DCAF6: variants seen among roughly 807,000 people sequenced by gnomAD.
DCAF6 encodes DDB1 and CUL4 associated factor 6, also known as DDB1- and CUL4-associated factor 6.
DCAF6 carries 54 observed loss-of-function variants against 125.1 expected under a neutral mutation model. The ratio of observed to expected loss-of-function variants is 0.43; its 90% confidence interval spans 0.35 to 0.54. DCAF6 has a LOEUF of 0.54. DCAF6 is among the 20% of genes least tolerant of loss of function. The pLI, the probability that DCAF6 is intolerant of heterozygous loss-of-function variation, is 0.01. For synonymous variants in DCAF6, 371 were observed against 390.4 expected (o/e 0.95, Z 0.58); for missense variants, 934 against 1,161.7 (o/e 0.80, Z 2.85).
intron 12 of DCAF6, among the ~76,000 whole-genome samples, chr1:168,025,614 A>T (rs903521969): frequency 6.6e-6 from 1 of 152,160 alleles, no homozygotes; most frequent in African/African-American, 2.4e-5. Context: ...AGTACTAGGA[A>T]CTTCACATTG....
chr1:167,993,114 T>G, intron 6 of DCAF6, 112 bp from the exon 7 acceptor site: 1 of 945,850 alleles, frequency 1.1e-6, no homozygotes, highest in South Asian at 1.9e-5. Context: ...CGTGATGGCT[T>G]TTATTTGTAT....
chr1:167,974,075 G>C (rs1291619426), intron 3 of DCAF6, among the ~76,000 whole-genome samples: 1 of 152,058 alleles, frequency 6.6e-6, no homozygotes, highest in South Asian at 2.1e-4. Context: ...TTGCCAGTCT[G>C]TTAAGTGAGA....
At chr1:167,885,410 T>C in the DCAF6 span, among the ~76,000 whole-genome samples, 15 of 152,210 alleles carry the variant, frequency 9.9e-5, no homozygotes, top group Non-Finnish European at 1.5e-4. Flanking sequence ...TCATTAACAG[T>C]GTACAAGGAT....
the DCAF6 span, among the ~76,000 whole-genome samples, chr1:167,915,653 G>A: frequency 6.6e-6 from 1 of 152,160 alleles, no homozygotes; most frequent in South Asian, 2.1e-4. Context: ...GTTTCACCAT[G>A]TTAGTCAGTC....
chr1:168,004,685 A>T lies in DCAF6; in HGVS notation c.1270A>T (p.Thr424Ser), dbSNP rs1683104933. 6.8e-6 allele frequency: 11 copies of T among 1,614,030 alleles called. No individual in the cohort carries two copies. In the East Asian group the frequency reaches 2.5e-4, roughly 36 times the overall value. The change falls in exon 10 of 22, where the codon ACA (threonine) becomes TCA (serine). Residue 424 changes from threonine (T) to serine (S), a missense_variant. Around this residue, in one of 5 missense-constraint regions of DCAF6, gnomAD observed 559 missense variants for 635.5 expected, o/e 0.88. Coordinates refer to ENST00000367840, the MANE Select transcript of DCAF6 (RefSeq NM_001198956.2). Reference protein sequence around the residue: ...SSTMSAQAHSTSSPTESPHST... With the variant: ...SSTMSAQAHSSSSPTESPHST... ...TACAATGTCAGCTCAGGCTCATTCGACATCATCTCCCACAGAAAGCCCTCA... is the reference window on the plus strand; with the variant it reads ...TACAATGTCAGCTCAGGCTCATTCGTCATCATCTCCCACAGAAAGCCCTCA...
chr1:168,064,021 T>G (rs1053410447), intron 18 of DCAF6: 34 of 202,102 alleles, frequency 1.7e-4, no homozygotes, highest in Admixed American at 6.1e-4. Context: ...TTTTGTTTTT[T>G]TTTTTTTTTC....
At chr1:167,962,787 T>A (rs1197490313) in intron 2 of DCAF6, among the ~76,000 whole-genome samples, 1 of 152,016 alleles carries the variant, frequency 6.6e-6, no homozygotes, top group Non-Finnish European at 1.5e-5. Flanking sequence ...AAACTCTGTC[T>A]CTACTAAAAA....
the DCAF6 span, chr1:167,901,796 A>C: frequency 6.2e-7 from 1 of 1,614,232 alleles, no homozygotes; most frequent in South Asian, 1.1e-5. Context: ...CAGGGCTAGC[A>C]GTGCATCACC....
At chr1:167,978,512 A>G (rs1198709505) in intron 4 of DCAF6, among the ~76,000 whole-genome samples, 2 of 152,136 alleles carry the variant, frequency 1.3e-5, no homozygotes, top group East Asian at 1.9e-4. Context: ...TTCTTAATGA[A>G]ATGTGTAGTC....
chr1:167,881,255 CA>C, the DCAF6 span, among the ~76,000 whole-genome samples: 2 of 152,120 alleles, frequency 1.3e-5, no homozygotes, highest in African/African-American at 4.8e-5. Flanking sequence ...TAAAACTTGG[CA>C]TTTGTAGTAT....
intron 3 of DCAF6, among the ~76,000 whole-genome samples, chr1:167,970,719 A>G (rs927142355): frequency 3.9e-5 from 6 of 152,170 alleles, no homozygotes; most frequent in Non-Finnish European, 5.9e-5. Context: ...CTTTTTGACC[A>G]TGAGTCAAAT....
chr1:167,937,371 C>G (rs1671449507), intron 1 of DCAF6: 1 of 241,164 alleles, frequency 4.1e-6, no homozygotes, highest in Admixed American at 5.7e-5. Context: ...TTCCAGCGCG[C>G]TTTCCCCGCT....
chr1:167,967,032 TGA>T (rs1368186977), intron 3 of DCAF6, among the ~76,000 whole-genome samples: 2 of 152,176 alleles, frequency 1.3e-5, no homozygotes, highest in African/African-American at 2.4e-5. Context: ...AAATAAAGTA[TGA>T]GTTAATGAGA....
intron 1 of DCAF6, among the ~76,000 whole-genome samples, chr1:167,939,362 A>G (rs1671877515): frequency 6.6e-6 from 1 of 151,488 alleles, no homozygotes; most frequent in Admixed American, 6.5e-5. Flanking sequence ...TAATTAACAT[A>G]TCCATCATGT....
At chr1:168,016,975 G>A (rs1396470943) in intron 11 of DCAF6, among the ~76,000 whole-genome samples, 1 of 152,022 alleles carries the variant, frequency 6.6e-6, no homozygotes, top group Admixed American at 6.5e-5. Context: ...GTTCTAGTAA[G>A]TGCTGTGGTA....
chr1:167,934,463 C>T (rs1671004214), upstream of DCAF6, among the ~76,000 whole-genome samples: 1 of 152,128 alleles, frequency 6.6e-6, no homozygotes, highest in Non-Finnish European at 1.5e-5. Context: ...GTTAAAAGAA[C>T]TAAAAGGCAA....
intron 21 of DCAF6, among the ~76,000 whole-genome samples, chr1:168,071,446 T>G (rs1044610171): frequency 2.0e-5 from 3 of 151,164 alleles, no homozygotes; most frequent in Non-Finnish European, 1.5e-5. Context: ...TCTATAAAAA[T>G]AAAAAATAAA....
chr1:167,974,984 A>G lies in DCAF6; in HGVS notation c.407A>G (p.Gln136Arg). The G allele has an allele frequency of 6.2e-7, 1 of 1,602,616 alleles. No homozygotes were observed. Among genetic ancestry groups the G allele is most frequent in the Non-Finnish European group, 8.5e-7 (1 of 1,175,682 alleles). ...EQDAETNRQCQFTCHYGTTYE... is the reference protein window; with the variant it reads ...EQDAETNRQCRFTCHYGTTYE... ...GATGCAGAAACCAACAGACAATGCCAATTTACGTGTCATTATGGAACTACT... is the reference window on the plus strand; with the variant it reads ...GATGCAGAAACCAACAGACAATGCCGATTTACGTGTCATTATGGAACTACT... The change falls in exon 4 of 22, where the codon CAA becomes CGA. Residue 136 changes from glutamine (Q) to arginine (R), a missense_variant. Gln to Arg is a conservative substitution (Grantham distance 43). Transcript: ENST00000367840.
chr1:167,888,133 CTA>C, the DCAF6 span, among the ~76,000 whole-genome samples: 1 of 152,132 alleles, frequency 6.6e-6, no homozygotes, highest in East Asian at 1.9e-4. Flanking sequence ...TTCCACTGGT[CTA>C]TGTGTCTGTT....
Sources: allele counts gnomAD v4.1 joint callset (sites outside exome capture counted in the v4.1 genomes callset), GRCh38; gene constraint gnomAD v4.1.1; regional missense constraint gnomAD v4.1.1; transcripts MANE v1.5; gene names NCBI Gene and HGNC (gene_info 2026-07-23, HGNC 2026-07-21).